MAD1L1: variants seen among roughly 807,000 people sequenced by gnomAD.
MAD1L1 encodes the protein mitotic arrest deficient 1 like 1, also known as mitotic spindle assembly checkpoint protein MAD1.
A neutral mutation model predicts 96.9 loss-of-function variants in MAD1L1; 95 were observed. The observed-to-expected ratio is 0.98, with a 90% CI of 0.83 to 1.16. The LOEUF (loss-of-function observed/expected upper bound fraction) is 1.16, where lower values mean the gene tolerates loss of function less well. MAD1L1 is among the 50% of genes most tolerant of loss of function. The pLI is 0.00. For synonymous variants in MAD1L1, 473 were observed against 396.6 expected (o/e 1.19, Z -2.29); for missense variants, 1,007 against 954.4 (o/e 1.06, Z -0.73).
intron 18 of MAD1L1, chr7:1,829,371 C>A (rs1782590335): frequency 6.6e-6 from 1 of 152,318 alleles, no homozygotes; most frequent in Non-Finnish European, 1.5e-5. Flanking sequence ...GCGTGAGCGG[C>A]CCACACGGCG....
In MAD1L1 at chr7:2,118,753, A is replaced by G. The variant is rs1159948450; in HGVS notation, c.1073+30399T>C. Among the ~76,000 whole-genome samples, 5 of 152,064 alleles carry G rather than the reference A, an allele frequency of 3.3e-5. No individual in the cohort carries two copies. The East Asian group carries it at 9.7e-4, about 29-fold the overall frequency. ...GCTCGGCTCACAGTCTTCCTTCCGGATAAGGGGCTACCACCAGCTAAGCAC... is the reference window on the plus strand; with the variant it reads ...GCTCGGCTCACAGTCTTCCTTCCGGGTAAGGGGCTACCACCAGCTAAGCAC... On this transcript the variant is annotated intron_variant, in intron 11 of 18. Coordinates refer to ENST00000265854, the MANE Select transcript of MAD1L1 (RefSeq NM_001013836.2).
chr7:1,883,901 C>T (rs1175031360), intron 18 of MAD1L1, among the ~76,000 whole-genome samples: 4 of 152,220 alleles, frequency 2.6e-5, no homozygotes, highest in African/African-American at 4.8e-5. Context: ...CCCTGACACA[C>T]GGTCAGGCCA....
rs1471877370 is a variant in MAD1L1 at position 2,219,199 on chromosome 7, C to A, written c.596+133G>T. The A allele has an allele frequency of 3.5e-6, 3 of 856,876 alleles. No individual in the cohort carries two copies. In the East Asian group the frequency reaches 8.3e-5, roughly 24 times the overall value. The allele number at this position is 856,876 out of a possible 1,614,324, so 53.1% of individuals were successfully genotyped here. A position where few individuals can be genotyped will look rare whatever the true frequency, so the allele number is the denominator to read the frequency against. On this transcript the variant is annotated intron_variant, in intron 6 of 18. Coordinates refer to ENST00000265854, the MANE Select transcript of MAD1L1 (RefSeq NM_001013836.2). ...TGGCTCCAGAGGCCTCAGCATCTGC[C>A]CCTCTTGAGTGTCTGTGAATTAGGA... is the stretch of plus-strand genomic sequence containing the variant.
At chr7:2,167,059 C>T (rs1165959422) in intron 10 of MAD1L1, among the ~76,000 whole-genome samples, 1 of 152,194 alleles carries the variant, frequency 6.6e-6, no homozygotes, top group Admixed American at 6.5e-5. Context: ...AGCTCGAAAC[C>T]CTAAAGCAAC....
At chr7:1,916,405 T>C (rs1788397385) in intron 17 of MAD1L1, among the ~76,000 whole-genome samples, 1 of 152,174 alleles carries the variant, frequency 6.6e-6, no homozygotes, top group Admixed American at 6.5e-5. Flanking sequence ...GTGGTCCGTC[T>C]GTGCTAGGCA....
intron 12 of MAD1L1, among the ~76,000 whole-genome samples, chr7:2,049,192 G>A (rs1189275040): frequency 6.6e-6 from 1 of 152,254 alleles, no homozygotes; most frequent in East Asian, 1.9e-4. Context: ...GCAAAGAGAG[G>A]GAAAGGGAGC....
chr7:1,898,194 A>G lies in MAD1L1; in HGVS notation c.1998+6T>C, dbSNP rs1374983086. ...CAGCCGGAGAGCCGTCACACGCAGG[A>G]CCCACCTTGAAGATGAGGCAGTCGC... On this transcript the variant is annotated splice_donor_region_variant and intron_variant, in intron 18 of 18. Coordinates refer to ENST00000265854, the MANE Select transcript of MAD1L1 (RefSeq NM_001013836.2). 4.4e-6 allele frequency: 7 copies of G among 1,602,906 alleles called. No individual in the cohort carries two copies. The highest frequency in any genetic ancestry group is 6.0e-6 in the Non-Finnish European group (7 of 1,174,560).
intron 13 of MAD1L1, among the ~76,000 whole-genome samples, chr7:2,010,975 G>T (rs547831772): frequency 5.3e-4 from 80 of 152,252 alleles, no homozygotes; most frequent in African/African-American, 1.8e-3. Flanking sequence ...TGCGTGCAGA[G>T]GACAGAAAGA....
intron 14 of MAD1L1, among the ~76,000 whole-genome samples, chr7:1,981,849 T>A (rs1021426239): frequency 1.3e-5 from 2 of 152,174 alleles, no homozygotes; most frequent in Non-Finnish European, 2.9e-5. Context: ...ATTACCCTGA[T>A]CTAATCACCA....
intron 11 of MAD1L1, among the ~76,000 whole-genome samples, chr7:2,125,496 C>T (rs1334389752): frequency 6.6e-6 from 1 of 152,202 alleles, no homozygotes; most frequent in African/African-American, 2.4e-5. Flanking sequence ...TGTAACAGGG[C>T]ATCTGAGATA....
At chr7:1,862,861 G>A (rs1306778583) in intron 18 of MAD1L1, among the ~76,000 whole-genome samples, 2 of 152,254 alleles carry the variant, frequency 1.3e-5, no homozygotes, top group Admixed American at 6.5e-5. Flanking sequence ...CTACTGGTCT[G>A]AGGTGGGCTC....
At chr7:1,910,907 T>A (rs755129768) in intron 17 of MAD1L1, among the ~76,000 whole-genome samples, 4 of 152,180 alleles carry the variant, frequency 2.6e-5, no homozygotes, top group Non-Finnish European at 5.9e-5. Context: ...GGCTCCAGCA[T>A]GGCGATGTGG....
intron 12 of MAD1L1, among the ~76,000 whole-genome samples, chr7:2,052,077 C>A (rs996526539): frequency 6.6e-6 from 1 of 152,164 alleles, no homozygotes; most frequent in Non-Finnish European, 1.5e-5. Context: ...CTGCATTCCA[C>A]GAAGGAGCCC....
chr7:1,868,789 G>C (rs772796956), intron 18 of MAD1L1, among the ~76,000 whole-genome samples: 8 of 152,226 alleles, frequency 5.3e-5, no homozygotes, highest in Non-Finnish European at 1.2e-4. Context: ...GGAACGCCCA[G>C]AAGACCAGCA....
intron 12 of MAD1L1, among the ~76,000 whole-genome samples, chr7:2,021,454 G>A (rs554894465): frequency 6.6e-6 from 1 of 152,292 alleles, no homozygotes; most frequent in Non-Finnish European, 1.5e-5. Flanking sequence ...ATGATCTTCT[G>A]TAAGAAAAGC....
intron 18 of MAD1L1, among the ~76,000 whole-genome samples, chr7:1,836,382 C>A (rs1327411905): frequency 1.3e-5 from 2 of 152,154 alleles, no homozygotes; most frequent in African/African-American, 2.4e-5. Context: ...TTCTTTACTG[C>A]AACCTGTTTT....
chr7:1,917,984 T>C lies in MAD1L1; in HGVS notation c.1807+18703A>G, dbSNP rs1007394456. Among the ~76,000 whole-genome samples the C allele has an allele frequency of 8.5e-5, 13 of 152,088 alleles. No individual in the cohort carries two copies. In the South Asian group the frequency reaches 2.5e-3, roughly 29 times the overall value. ...TCAGCCCAGAGCCCAGCAGACTAGA[T>C]GTGGGGCTGGGGAGGGGCCCAGGCA... On this transcript the variant is annotated intron_variant, in intron 17 of 18. Transcript: ENST00000265854.
chr7:1,841,547 G>A (rs993553786), intron 18 of MAD1L1, among the ~76,000 whole-genome samples: 14 of 152,200 alleles, frequency 9.2e-5, no homozygotes, highest in African/African-American at 3.4e-4. Flanking sequence ...GGATGAAAGC[G>A]GGCACCACGT....
Position 1,986,312 on chromosome 7 carries a change from GCTGCAGC to G in MAD1L1, c.1417-5778_1417-5772del, listed in dbSNP as rs1450451701. Among the ~76,000 whole-genome samples, 238 of 151,158 alleles carry G rather than the reference GCTGCAGC, an allele frequency of 1.6e-3. 2 individuals are homozygous for G. The highest frequency in any genetic ancestry group is 5.6e-3 in the African/African-American group (231 of 41,174). Reference sequence around the variant, plus strand: ...ACCCCTCAGCTCAGCACCAACCTCTGCTGCAGCTTGGAACCACACGCCAGTCCAGCTT... The same window carrying G: ...ACCCCTCAGCTCAGCACCAACCTCTGTTGGAACCACACGCCAGTCCAGCTT... On this transcript the variant is annotated intron_variant, in intron 14 of 18. Coordinates refer to ENST00000265854, the MANE Select transcript of MAD1L1 (RefSeq NM_001013836.2).
Sources: allele counts gnomAD v4.1 joint callset (sites outside exome capture counted in the v4.1 genomes callset), GRCh38; gene constraint gnomAD v4.1.1; transcripts MANE v1.5; gene names NCBI Gene and HGNC (gene_info 2026-07-23, HGNC 2026-07-21).